The following COA1 variants were observed in gnomAD, a reference collection of about 807,000 sequenced individuals.
COA1 encodes the protein cytochrome c oxidase assembly factor 1, also known as cytochrome c oxidase assembly factor 1 homolog.
A neutral mutation model predicts 16.0 loss-of-function variants in COA1; 13 were observed. That is an observed-to-expected ratio of 0.81 (90% CI 0.53 to 1.29). COA1 has a LOEUF of 1.29. Ranked by LOEUF, COA1 falls within the 50% of genes most tolerant of loss-of-function variation. The pLI, the probability that COA1 is intolerant of heterozygous loss-of-function variation, is 0.00. For synonymous variants in COA1, 65 were observed against 65.7 expected (o/e 0.99, Z 0.05); for missense variants, 179 against 177.0 (o/e 1.01, Z -0.06).
At chr7:43,691,425 G>GGAAGGAAGGAAGAA (rs2094350011) in intron 1 of COA1, among the ~76,000 whole-genome samples, 1 of 32,402 alleles carries the variant, frequency 3.1e-5, no homozygotes. Flanking sequence ...GAAAGAAAAA[G>GGAAGGAAGGAAGAA]AAAGAAAGAA....
chr7:43,674,555 T>C (rs1584819936), intron 1 of COA1, among the ~76,000 whole-genome samples: 1 of 152,210 alleles, frequency 6.6e-6, no homozygotes, highest in African/African-American at 2.4e-5. Flanking sequence ...AAAACTGCAA[T>C]GATATTACTG....
At chr7:43,716,673 A>G (rs188918364) in intron 1 of COA1, among the ~76,000 whole-genome samples, 47 of 152,336 alleles carry the variant, frequency 3.1e-4, no homozygotes, top group Admixed American at 1.0e-3. Flanking sequence ...AATTTGCAAA[A>G]GTAGCAGGGA....
chr7:43,638,431 A>G (rs905750713), downstream of COA1, among the ~76,000 whole-genome samples: 2 of 152,180 alleles, frequency 1.3e-5, no homozygotes, highest in Non-Finnish European at 2.9e-5. Context: ...TTGCTTTATA[A>G]TATGTTTCCT....
At chr7:43,720,053 CG>C (rs914934555) in intron 1 of COA1, among the ~76,000 whole-genome samples, 79 of 151,738 alleles carry the variant, frequency 5.2e-4, no homozygotes, top group African/African-American at 1.8e-3. Flanking sequence ...CCAAGGTGGG[CG>C]GGTCACTTGA....
chr7:43,714,429 G>A (rs1226292310), intron 1 of COA1, among the ~76,000 whole-genome samples: 2 of 151,140 alleles, frequency 1.3e-5, no homozygotes, highest in Non-Finnish European at 2.9e-5. Context: ...GGAGTTCAAC[G>A]CTAGCCTGGC....
At chr7:43,619,772 A>G (rs772627091) in intron 6 of COA1, 50 of 1,596,814 alleles carry the variant, frequency 3.1e-5, no homozygotes, top group Non-Finnish European at 4.3e-5. Flanking sequence ...CATCACCTTC[A>G]TTAGGGGACT....
intron 6 of COA1, among the ~76,000 whole-genome samples, chr7:43,621,181 T>C (rs2083849088): frequency 6.6e-6 from 1 of 152,204 alleles, no homozygotes; most frequent in South Asian, 2.1e-4. Context: ...GTTAATTAGA[T>C]AATAAAAGAT....
intron 1 of COA1, among the ~76,000 whole-genome samples, chr7:43,727,143 G>A (rs910471549): frequency 6.6e-6 from 1 of 152,058 alleles, no homozygotes; most frequent in South Asian, 2.1e-4. Context: ...ACATGTCAAC[G>A]AAAAAGAATG....
At chr7:43,700,968 T>G (rs2094713284) in intron 1 of COA1, among the ~76,000 whole-genome samples, 1 of 152,096 alleles carries the variant, frequency 6.6e-6, no homozygotes, top group South Asian at 2.1e-4. Flanking sequence ...CTGCTTTCCC[T>G]CCTACAAAAG....
At chr7:43,723,760 C>A (rs1170698074) in intron 1 of COA1, among the ~76,000 whole-genome samples, 2 of 152,016 alleles carry the variant, frequency 1.3e-5, no homozygotes, top group African/African-American at 4.8e-5. Context: ...AATCCCATCT[C>A]AACAAAAAAT....
chr7:43,657,433 A>G (rs908029251), intron 1 of COA1, among the ~76,000 whole-genome samples: 9 of 152,262 alleles, frequency 5.9e-5, no homozygotes, highest in Admixed American at 2.6e-4. Flanking sequence ...TTAAATTAGA[A>G]GATGGAAGAA....
At chr7:43,628,011 A>AGTTTTGCTCTTGTT (rs1278418725) in intron 6 of COA1, among the ~76,000 whole-genome samples, 2 of 151,930 alleles carry the variant, frequency 1.3e-5, no homozygotes, top group African/African-American at 2.4e-5. Flanking sequence ...TTGAGACTGG[A>AGTTTTGCTCTTGTT]GTTTTGCTCT....
At chr7:43,670,653 A>G (rs1456029007) in intron 1 of COA1, among the ~76,000 whole-genome samples, 1 of 152,228 alleles carries the variant, frequency 6.6e-6, no homozygotes, top group Non-Finnish European at 1.5e-5. Context: ...TGGCAGGAAG[A>G]GCTAAATGCA....
At chr7:43,629,771 A>G (rs2084983346) in intron 6 of COA1, among the ~76,000 whole-genome samples, 1 of 152,198 alleles carries the variant, frequency 6.6e-6, no homozygotes, top group Non-Finnish European at 1.5e-5. Flanking sequence ...GGAATATGTG[A>G]TTTGCCCAAG....
exon 7 of COA1, chr7:43,608,704 G>C (rs35535441): frequency 0.19 from 38,286 of 204,234 alleles, 4,208 homozygotes; most frequent in East Asian, 0.33. Context: ...AAGAATGAGA[G>C]AAAATTGCTC....
intron 1 of COA1, among the ~76,000 whole-genome samples, chr7:43,661,408 G>A (rs1226639027): frequency 1.3e-5 from 2 of 152,168 alleles, no homozygotes; most frequent in South Asian, 2.1e-4. Flanking sequence ...AGGCCAAAGC[G>A]GGCGGATCAC....
At chr7:43,672,127 G>A (rs960382691) in intron 1 of COA1, among the ~76,000 whole-genome samples, 3 of 151,906 alleles carry the variant, frequency 2.0e-5, no homozygotes, top group East Asian at 1.9e-4. Context: ...CAATACTACC[G>A]AAATTGTTTG....
chr7:43,704,926 G>A (rs934700882), intron 1 of COA1, among the ~76,000 whole-genome samples: 6 of 152,308 alleles, frequency 3.9e-5, no homozygotes, highest in African/African-American at 1.4e-4. Flanking sequence ...TCTTACCTGT[G>A]TGGGCTGATA....
chr7:43,666,282 G>A (rs1463072045), intron 1 of COA1, among the ~76,000 whole-genome samples: 2 of 152,152 alleles, frequency 1.3e-5, no homozygotes, highest in African/African-American at 4.8e-5. Context: ...TGTTTATACG[G>A]ACCCAAGATC....
Sources: allele counts gnomAD v4.1 joint callset (sites outside exome capture counted in the v4.1 genomes callset), GRCh38; gene constraint gnomAD v4.1.1; transcripts MANE v1.5; gene names NCBI Gene and HGNC (gene_info 2026-07-23, HGNC 2026-07-21).